The following MMP20 variants were observed in gnomAD, a reference collection of about 807,000 sequenced individuals.
The protein encoded by MMP20 is matrix metalloproteinase-20.
MMP20 carries 50 observed loss-of-function variants against 51.8 expected under a neutral mutation model. The observed-to-expected ratio is 0.97, with a 90% CI of 0.77 to 1.22. MMP20 has a LOEUF of 1.22. Among genes scored for constraint, MMP20 ranks in the 50% most tolerant of loss-of-function variants. The probability of loss-of-function intolerance (pLI) is 0.00; values close to 1 mark genes in which losing one functional copy is unlikely to be tolerated. For synonymous variants in MMP20, 244 were observed against 216.2 expected (o/e 1.13, Z -1.13); for missense variants, 663 against 601.4 (o/e 1.10, Z -1.07).
chr11:102,601,172 G>A (rs1591615554), intron 6 of MMP20, among the ~76,000 whole-genome samples: 2 of 19,750 alleles, frequency 1.0e-4, no homozygotes, highest in African/African-American at 3.2e-4. Flanking sequence ...TCGCTCTGTC[G>A]CCCAGGCTGG....
chr11:102,593,432 G>C lies in MMP20; in HGVS notation c.1247+7C>G. 1 of 1,612,854 alleles carries C rather than the reference G, an allele frequency of 6.2e-7. No individual in the cohort carries two copies. The highest frequency in any genetic ancestry group is 8.5e-7 in the Non-Finnish European group (1 of 1,179,050). On this transcript the variant is annotated splice_region_variant and intron_variant, in intron 8 of 9. Transcript: ENST00000260228. ...AAGATAGATAGTAAAAAGGAAAAAA[G>C]CCATACCTGTAGTATTCATCTCCCA...
intron 1 of MMP20, among the ~76,000 whole-genome samples, chr11:102,619,488 T>A (rs1859719766): frequency 6.6e-6 from 1 of 152,050 alleles, no homozygotes; most frequent in Non-Finnish European, 1.5e-5. Context: ...CCCAGTCATA[T>A]CACCAGGGCT....
chr11:102,611,830 T>G lies in MMP20; in HGVS notation c.448A>C (p.Ser150Arg), dbSNP rs761967557. The G allele has an allele frequency of 5.6e-6, 9 of 1,614,214 alleles. No homozygotes were observed. In the Admixed American group the frequency reaches 1.5e-4, roughly 27 times the overall value. ...KAVEMALQAW[S>R]SAVPLSFVRI... ...ACAAAGCTCAGAGGGACGGCGCTAC[T>G]CCAGGCCTGCAAGGCCATCTCCACT... is the stretch of plus-strand genomic sequence containing the variant. Residue 150 changes from serine (S) to arginine (R), a missense_variant, in exon 3 of 10, where the codon AGT (serine) becomes CGT (arginine). Transcript: ENST00000260228.
Position 102,578,085 on chromosome 11 carries a change from T to A in MMP20, c.1352-659A>T, listed in dbSNP as rs539396362. On this transcript the variant is annotated intron_variant, in intron 9 of 9. Transcript: ENST00000260228. ...AAGTTCTATTCAACTTTCCTAGCTA[T>A]GTGTTAAATTGCAGGAGTTGGATGA... 3.3e-5 allele frequency among the ~76,000 whole-genome samples: 5 copies of A among 152,252 alleles called. No individual in the cohort carries two copies. The South Asian group carries it at 8.3e-4, about 25-fold the overall frequency.
Position 102,617,059 on chromosome 11 carries a change from C to G in MMP20, c.127G>C (p.Ala43Pro), listed in dbSNP as rs775145875. The G allele has an allele frequency of 8.1e-6, 13 of 1,614,082 alleles. No homozygotes were observed. In the Admixed American group the frequency reaches 2.2e-4, roughly 27 times the overall value. ...TTTGTGTAATATTTGTCAAGATACG[C>G]CTGAAATGGAGAGGCAGGCTGACGC... ...TWRNNYRLAQ[A>P]YLDKYYTNKE... The change falls in exon 2 of 10, where the codon GCG becomes CCG. Residue 43 changes from alanine to proline, a missense_variant and splice_region_variant. Coordinates refer to ENST00000260228, the MANE Select transcript of MMP20 (RefSeq NM_004771.4).
chr11:102,591,834 A>C (rs576482472), intron 8 of MMP20, among the ~76,000 whole-genome samples: 2 of 152,274 alleles, frequency 1.3e-5, no homozygotes, highest in Admixed American at 6.5e-5. Flanking sequence ...ACCTCTGCCC[A>C]CATCTCTTAA....
chr11:102,594,901 C>A (rs1385006098), intron 6 of MMP20, 144 bp from the exon 7 acceptor site: 11 of 950,968 alleles, frequency 1.2e-5, no homozygotes, highest in Non-Finnish European at 1.6e-5. Flanking sequence ...TGTTTTTTTT[C>A]TCTTTTCTTT....
chr11:102,584,240 C>T (rs1290682857), intron 8 of MMP20, among the ~76,000 whole-genome samples: 1 of 152,186 alleles, frequency 6.6e-6, no homozygotes, highest in African/African-American at 2.4e-5. Context: ...ATTTACATTT[C>T]TACTACCAAT....
chr11:102,609,158 C>A, intron 4 of MMP20, 60 bp from the exon 5 acceptor site: 1 of 1,443,146 alleles, frequency 6.9e-7, no homozygotes, highest in South Asian at 1.2e-5. Context: ...TCTCCATCTT[C>A]CATCTTTATA....
intron 1 of MMP20, 133 bp downstream of exon 1, chr11:102,625,061 C>T (rs1859803018): frequency 4.3e-6 from 5 of 1,151,540 alleles, no homozygotes; most frequent in Non-Finnish European, 6.4e-6. Context: ...AAGATAGCAT[C>T]AGTTAGACTT....
chr11:102,593,676 C>T, intron 7 of MMP20, 81 bp from the exon 8 acceptor site: 1 of 1,480,104 alleles, frequency 6.8e-7, no homozygotes, highest in Non-Finnish European at 9.4e-7. Context: ...TATGAAGGCT[C>T]TTAAATGGGG....
chr11:102,609,761 CT>C, intron 4 of MMP20, 143 bp downstream of exon 4: 2 of 1,147,350 alleles, frequency 1.7e-6, no homozygotes, highest in Non-Finnish European at 2.6e-6. Context: ...TATGTGATCC[CT>C]TTTGGATTTT....
At chr11:102,616,114 G>A (rs1486135339) in intron 2 of MMP20, among the ~76,000 whole-genome samples, 1 of 152,132 alleles carries the variant, frequency 6.6e-6, no homozygotes, top group Non-Finnish European at 1.5e-5. Flanking sequence ...CAGAGGATTA[G>A]GGGAGGGAAG....
chr11:102,604,196 A>G (rs147663801), intron 6 of MMP20, among the ~76,000 whole-genome samples: 175 of 152,232 alleles, frequency 1.1e-3, no homozygotes, highest in African/African-American at 4.1e-3. Flanking sequence ...TGAGTGCTAC[A>G]TGCTATTTCA....
At position 102,609,070 on chromosome 11, in the gene MMP20, A is replaced by T. The variant is rs587777515; in HGVS notation, c.678T>A (p.His226Gln). 1 of 1,614,258 alleles carries T rather than the reference A, an allele frequency of 6.2e-7. No homozygotes were observed. ...NGFNLFTVAA[H>Q]EFGHALGLAH... The stretch of plus-strand genomic sequence containing the variant: ...CCAGGCCCAGGGCATGGCCAAATTC[A>T]TGAGCAGCAACGGTAAACAAATTAA... Residue 226 changes from histidine to glutamine, a missense_variant, in exon 5 of 10, where the codon CAT becomes CAA. Coordinates refer to ENST00000260228, the MANE Select transcript of MMP20 (RefSeq NM_004771.4).
intron 2 of MMP20, among the ~76,000 whole-genome samples, chr11:102,615,128 A>G (rs1406554927): frequency 6.8e-6 from 1 of 147,344 alleles, no homozygotes; most frequent in Admixed American, 6.8e-5. Context: ...CTATTAAATA[A>G]TATAACATAT....
chr11:102,583,804 A>G (rs1346981769), intron 8 of MMP20, among the ~76,000 whole-genome samples: 1 of 152,126 alleles, frequency 6.6e-6, no homozygotes, highest in Non-Finnish European at 1.5e-5. Flanking sequence ...CTCATCCCCC[A>G]TCTCAACCAG....
chr11:102,602,176 G>T lies in MMP20; in HGVS notation c.953+4359C>A, dbSNP rs2135937994. 1.5e-5 allele frequency among the ~76,000 whole-genome samples: 2 copies of T among 132,790 alleles called. 1 individual carries two copies. Among genetic ancestry groups the T allele is most frequent in the Non-Finnish European group, 3.1e-5 (2 of 63,526 alleles). 87.1% of individuals were successfully genotyped at this position (132,790 alleles called of 152,430 possible). ...GTAGAGACGGGGTTTCACCATGTTA[G>T]CCAGGATGGTCTCCATCTCCTGACC... On this transcript the variant is annotated intron_variant, in intron 6 of 9. Transcript: ENST00000260228.
intron 3 of MMP20, 96 bp downstream of exon 3, chr11:102,611,659 G>A: frequency 1.4e-6 from 2 of 1,460,536 alleles, no homozygotes. Context: ...CTGTGCGAAG[G>A]AGGAGTGTGT....
Sources: allele counts gnomAD v4.1 joint callset (sites outside exome capture counted in the v4.1 genomes callset), GRCh38; gene constraint gnomAD v4.1.1; transcripts MANE v1.5; gene names NCBI Gene and HGNC (gene_info 2026-07-23, HGNC 2026-07-21).